ZNF18: variants seen among roughly 807,000 people sequenced by gnomAD.
ZNF18 encodes zinc finger protein 18.
In ZNF18, 42 loss-of-function variants were observed where a neutral mutation model predicts 58.1. The ratio of observed to expected loss-of-function variants is 0.72; its 90% CI spans 0.56 to 0.93. The LOEUF is 0.93. ZNF18 is among the 40% of genes least tolerant of loss of function. The pLI is 0.00. For missense variants in ZNF18, 540 were observed against 644.2 expected (o/e 0.84, Z 1.75); for synonymous variants, 231 against 239.8 (o/e 0.96, Z 0.34).
upstream of ZNF18, among the ~76,000 whole-genome samples, chr17:12,001,663 A>G (rs1968658785): frequency 6.6e-6 from 1 of 152,144 alleles, no homozygotes; most frequent in African/African-American, 2.4e-5. Context: ...CAAACAAAGT[A>G]TATTTCAAAA....
At chr17:11,986,580 A>C (rs1036324940) in intron 4 of ZNF18, among the ~76,000 whole-genome samples, 2 of 152,196 alleles carry the variant, frequency 1.3e-5, no homozygotes, top group African/African-American at 2.4e-5. Context: ...TAAATTTTTT[A>C]ATTTTTAAAG....
chr17:11,984,918 T>C (rs886913396), intron 4 of ZNF18, among the ~76,000 whole-genome samples: 1 of 152,028 alleles, frequency 6.6e-6, no homozygotes, highest in Admixed American at 6.5e-5. Context: ...AATCAGGAAA[T>C]TCAAAAAGCA....
intron 6 of ZNF18, among the ~76,000 whole-genome samples, chr17:11,979,028 T>C (rs1967177226): frequency 6.6e-6 from 1 of 151,522 alleles, no homozygotes; most frequent in Non-Finnish European, 1.5e-5. Flanking sequence ...TAAAGCCACA[T>C]GTATTTCTTA....
At chr17:11,995,713 C>G (rs1474155120) in intron 1 of ZNF18, 1 of 150,394 alleles carries the variant, frequency 6.6e-6, no homozygotes, top group Non-Finnish European at 1.5e-5. Context: ...TCAGTGAAGT[C>G]AAAAAATCTG....
At chr17:12,004,474 T>C in the ZNF18 span, among the ~76,000 whole-genome samples, 1 of 152,178 alleles carries the variant, frequency 6.6e-6, no homozygotes. Context: ...TAAAATAGCA[T>C]AGTTACACTT....
rs1968210845 is a variant in ZNF18, at chr17:11,992,744, G to A, written c.86C>T (p.Ala29Val). 2 of 1,614,140 alleles carry A rather than the reference G, an allele frequency of 1.2e-6. No individual in the cohort carries two copies. Among genetic ancestry groups the A allele is most frequent in the African/African-American group, 1.3e-5 (1 of 74,950 alleles). The change falls in exon 2 of 7, where the codon GCC becomes GTC. Residue 29 changes from alanine (A) to valine (V), a missense_variant. Physicochemically the swap from Ala to Val is moderately conservative, Grantham distance 64 (BLOSUM62 0). Coordinates refer to ENST00000580306, the MANE Select transcript of ZNF18 (RefSeq NM_001303281.2). Reference sequence around the variant, plus strand: ...AGGGCTGGAGAGTTCCTCTTGAAGGGCAGCATCTGATTCTGAGAACTGGGA... The same window carrying A: ...AGGGCTGGAGAGTTCCTCTTGAAGGACAGCATCTGATTCTGAGAACTGGGA... The part of the protein sequence containing the change: ...EDSQFSESDA[A>V]LQEELSSPET...
At chr17:12,008,779 G>A in the ZNF18 span, among the ~76,000 whole-genome samples, 1 of 152,162 alleles carries the variant, frequency 6.6e-6, no homozygotes, top group African/African-American at 2.4e-5. Context: ...ATCAGTCTGT[G>A]GCCTCCACCA....
chr17:11,983,664 G>C (rs974183413), intron 5 of ZNF18, among the ~76,000 whole-genome samples: 1 of 152,106 alleles, frequency 6.6e-6, no homozygotes, highest in African/African-American at 2.4e-5. Context: ...TGGCAGGCTG[G>C]TGTGAGAATC....
At chr17:11,985,655 C>T (rs1259546983) in intron 4 of ZNF18, among the ~76,000 whole-genome samples, 1 of 152,172 alleles carries the variant, frequency 6.6e-6, no homozygotes, top group Non-Finnish European at 1.5e-5. Context: ...ACTCTGTCAT[C>T]CTCTCCATTG....
chr17:12,021,129 T>C, the ZNF18 span: 1 of 481,024 alleles, frequency 2.1e-6, no homozygotes, highest in Non-Finnish European at 3.2e-6. Flanking sequence ...TCTCCCTCTC[T>C]CCCTCCCCGG....
intron 5 of ZNF18, 125 bp downstream of exon 5, chr17:11,983,988 G>A: frequency 2.6e-6 from 2 of 769,814 alleles, no homozygotes; most frequent in Non-Finnish European, 4.1e-6. Flanking sequence ...TCCCAACTGT[G>A]TCCCTAACGA....
At chr17:12,020,111 G>A in the ZNF18 span, among the ~76,000 whole-genome samples, 5 of 152,120 alleles carry the variant, frequency 3.3e-5, no homozygotes, top group African/African-American at 1.2e-4. Context: ...ACTACGGCTC[G>A]TCTTATACAA....
rs80118662 is a variant in ZNF18 at position 11,990,372 on chromosome 17, C to T, written c.666+90G>A. 1.9e-3 allele frequency: 2,148 copies of T among 1,139,378 alleles called. 29 individuals carry two copies. In the African/African-American group the frequency reaches 0.03, roughly 16 times the overall value. The allele number at this position is 1,139,378 out of a possible 1,614,324, so 70.6% of individuals were successfully genotyped here. On this transcript the variant is annotated intron_variant, in intron 4 of 6. Transcript: ENST00000580306. ...ACAGACAGCAGATCAGAGGTTTCCTCAGGATGGAGAATGGGGTGAAGAGAA... is the reference window on the plus strand; with the variant it reads ...ACAGACAGCAGATCAGAGGTTTCCTTAGGATGGAGAATGGGGTGAAGAGAA...
At chr17:11,995,266 G>A (rs1316618904) in intron 1 of ZNF18, among the ~76,000 whole-genome samples, 1 of 31,754 alleles carries the variant, frequency 3.1e-5, no homozygotes, top group East Asian at 0.016. Flanking sequence ...AAAATTAACC[G>A]GGCGTGGTGG....
rs1244918172 is a variant in ZNF18 at position 11,991,102 on chromosome 17, T to A, written c.449A>T (p.Gln150Leu). Residue 150 changes from glutamine (Q) to leucine (L), a missense_variant, in exon 3 of 7, where the codon CAA (glutamine) becomes CTA (leucine). Gln to Leu is a moderately radical substitution (Grantham distance 113). Coordinates refer to ENST00000580306, the MANE Select transcript of ZNF18 (RefSeq NM_001303281.2). ...AAGATGGGGCTCCACTTCCCCCACT[T>A]GGCAGCTTGGAGATTCCATCTTCTC... ...LSEKMESPSC[Q>L]VGEVEPHLEV... 6 of 1,614,064 alleles carry A rather than the reference T, an allele frequency of 3.7e-6. No homozygotes were observed. The highest frequency in any genetic ancestry group is 4.2e-6 in the Non-Finnish European group (5 of 1,180,048).
At chr17:12,003,985 C>T in the ZNF18 span, among the ~76,000 whole-genome samples, 3 of 152,192 alleles carry the variant, frequency 2.0e-5, no homozygotes, top group Admixed American at 6.5e-5. Flanking sequence ...GTAATCCTAG[C>T]ACTTTGGGAG....
At chr17:12,020,824 G>A in the ZNF18 span, 1 of 747,328 alleles carries the variant, frequency 1.3e-6, no homozygotes, top group East Asian at 3.5e-5. Flanking sequence ...CCTCGGCCGT[G>A]CGAGAGGCCG....
At chr17:11,991,579 T>TGTG (rs2151483524) in intron 2 of ZNF18, among the ~76,000 whole-genome samples, 1 of 152,346 alleles carries the variant, frequency 6.6e-6, no homozygotes, top group African/African-American at 2.4e-5. Flanking sequence ...AGCTGTGGTA[T>TGTG]AATAAGAAAT....
At chr17:12,020,877 A>G in the ZNF18 span, 1 of 1,179,516 alleles carries the variant, frequency 8.5e-7, no homozygotes, top group African/African-American at 1.6e-5. Flanking sequence ...TCGGCTCTTC[A>G]CTCCCAACAA....
Sources: gnomAD v4.1 joint callset for allele counts (sites outside exome capture counted in the v4.1 genomes callset) on GRCh38, gnomAD v4.1.1 for gene constraint, MANE v1.5 for transcripts, NCBI Gene and HGNC (gene_info 2026-07-23, HGNC 2026-07-21) for gene names.